Variants in ADAMTS17 observed in about 807,000 individuals in gnomAD.
ADAMTS17 encodes the protein ADAM metallopeptidase with thrombospondin type 1 motif 17.
A neutral mutation model predicts 141.5 loss-of-function variants in ADAMTS17; 113 were observed. The observed-to-expected ratio is 0.80, with a 90% CI of 0.69 to 0.93. ADAMTS17 has a LOEUF of 0.93. Ranked by LOEUF, ADAMTS17 falls within the 40% of genes least tolerant of loss-of-function variation. The probability of loss-of-function intolerance (pLI) is 0.00; values close to 1 mark genes in which losing one functional copy is unlikely to be tolerated. For missense variants in ADAMTS17, 1,659 were observed against 1,517.9 expected, an observed-to-expected ratio of 1.09 and a Z score of -1.54; for synonymous variants, 768 against 630.6, an observed-to-expected ratio of 1.22 and a Z score of -3.27.
At chr15:99,981,772 G>C (rs2060486670) in intron 20 of ADAMTS17, among the ~76,000 whole-genome samples, 1 of 152,190 alleles carries the variant, frequency 6.6e-6, no homozygotes. Context: ...TCTATAGTAA[G>C]AGCTACTTAT....
At chr15:100,047,403 T>A (rs2031792777) in intron 18 of ADAMTS17, among the ~76,000 whole-genome samples, 1 of 150,796 alleles carries the variant, frequency 6.6e-6, no homozygotes, top group Admixed American at 6.6e-5. Flanking sequence ...CTTTTGAAAA[T>A]CCCTAATAAA....
intron 7 of ADAMTS17, among the ~76,000 whole-genome samples, chr15:100,235,189 T>G (rs2042617310): frequency 6.6e-6 from 1 of 152,040 alleles, no homozygotes; most frequent in South Asian, 2.1e-4. Context: ...ATCAGAAGCC[T>G]CTTCTGTCAG....
chr15:100,210,621 G>C (rs1208265478), intron 7 of ADAMTS17, among the ~76,000 whole-genome samples: 6 of 152,134 alleles, frequency 3.9e-5, no homozygotes, highest in African/African-American at 1.4e-4. Flanking sequence ...TGTTTTATTT[G>C]GCCCATTTAG....
Position 100,263,272 on chromosome 15 carries a change from G to A in ADAMTS17, c.790-837C>T, listed in dbSNP as rs2043595373. ...GCTGGCATCTCCACTACTCTCAGCTGGGAAACACAGAAACCAGTTCATCGA... is the reference window on the plus strand; with the variant it reads ...GCTGGCATCTCCACTACTCTCAGCTAGGAAACACAGAAACCAGTTCATCGA... On this transcript the variant is annotated intron_variant, in intron 4 of 21. Coordinates refer to ENST00000268070, the MANE Select transcript of ADAMTS17 (RefSeq NM_139057.4). Among the ~76,000 whole-genome samples, 6 of 152,110 alleles carry A rather than the reference G, an allele frequency of 3.9e-5. No individual in the cohort carries two copies. In the South Asian group the frequency reaches 1.2e-3, roughly 32 times the overall value.
At chr15:100,142,406 A>C (rs1309781082) in intron 10 of ADAMTS17, among the ~76,000 whole-genome samples, 1 of 152,194 alleles carries the variant, frequency 6.6e-6, no homozygotes, top group Admixed American at 6.5e-5. Flanking sequence ...AGGACAGCAC[A>C]GGGAAAGATA....
chr15:100,157,885 A>ATTTTTTTT (rs1567275461), intron 8 of ADAMTS17, among the ~76,000 whole-genome samples: 3 of 137,538 alleles, frequency 2.2e-5, no homozygotes, highest in Non-Finnish European at 4.8e-5. Flanking sequence ...GTTTAGCTAT[A>ATTTTTTTT]TTCTTTTTTT....
At chr15:100,332,430 G>C (rs1054402953) in intron 2 of ADAMTS17, among the ~76,000 whole-genome samples, 1 of 152,176 alleles carries the variant, frequency 6.6e-6, no homozygotes, top group African/African-American at 2.4e-5. Flanking sequence ...ATGGAGCCCC[G>C]CGTGGGAGGA....
chr15:99,983,401 C>A (rs1415557303), intron 20 of ADAMTS17, among the ~76,000 whole-genome samples: 6 of 152,214 alleles, frequency 3.9e-5, no homozygotes, highest in Admixed American at 2.0e-4. Context: ...CCCTGCCCCC[C>A]ACCTGCCCGT....
intron 10 of ADAMTS17, among the ~76,000 whole-genome samples, chr15:100,135,502 C>A (rs2038284460): frequency 6.6e-6 from 1 of 152,044 alleles, no homozygotes; most frequent in Non-Finnish European, 1.5e-5. Context: ...CCAGGATGGT[C>A]TCAATCTCCT....
intron 12 of ADAMTS17, among the ~76,000 whole-genome samples, chr15:100,119,592 C>A (rs1272425578): frequency 6.6e-6 from 1 of 152,196 alleles, no homozygotes; most frequent in African/African-American, 2.4e-5. Flanking sequence ...AACCCGCACA[C>A]AACAATTACC....
At chr15:100,193,266 G>A (rs2040986679) in intron 8 of ADAMTS17, among the ~76,000 whole-genome samples, 1 of 152,228 alleles carries the variant, frequency 6.6e-6, no homozygotes, top group Non-Finnish European at 1.5e-5. Context: ...GGTCTCCCGG[G>A]AGCTGACGGA....
At chr15:100,033,768 G>A (rs1435919806) in intron 18 of ADAMTS17, among the ~76,000 whole-genome samples, 1 of 152,148 alleles carries the variant, frequency 6.6e-6, no homozygotes. Flanking sequence ...CAACTTTTCG[G>A]TGTCTCTTCA....
chr15:100,001,176 G>A (rs2060914196), intron 18 of ADAMTS17, among the ~76,000 whole-genome samples: 1 of 152,206 alleles, frequency 6.6e-6, no homozygotes, highest in East Asian at 1.9e-4. Flanking sequence ...TCCCCAGGGT[G>A]AGAATGATGA....
chr15:100,063,297 A>G (rs2033262439), intron 15 of ADAMTS17, among the ~76,000 whole-genome samples: 3 of 152,200 alleles, frequency 2.0e-5, no homozygotes, highest in South Asian at 4.1e-4. Context: ...TGGCAGCCCA[A>G]TGGGGCTTCC....
chr15:100,305,162 T>C (rs1475363876), intron 3 of ADAMTS17, among the ~76,000 whole-genome samples: 1 of 152,080 alleles, frequency 6.6e-6, no homozygotes, highest in Non-Finnish European at 1.5e-5. Flanking sequence ...TCCTCAACCC[T>C]GCACATTGTT....
At chr15:100,106,278 G>C (rs569171301) in intron 14 of ADAMTS17, among the ~76,000 whole-genome samples, 3 of 152,194 alleles carry the variant, frequency 2.0e-5, no homozygotes, top group Non-Finnish European at 4.4e-5. Flanking sequence ...CCAGCCTCCA[G>C]AACGTTGAGA....
intron 15 of ADAMTS17, chr15:100,074,269 T>G (rs911832947): frequency 2.0e-5 from 3 of 152,250 alleles, no homozygotes; most frequent in African/African-American, 7.2e-5. Context: ...CACCTTTGTT[T>G]TGTTTTTTAT....
intron 10 of ADAMTS17, among the ~76,000 whole-genome samples, chr15:100,150,432 C>G (rs2039106814): frequency 6.6e-6 from 1 of 152,094 alleles, no homozygotes; most frequent in Admixed American, 6.5e-5. Context: ...GGCTTGTTTT[C>G]TAATCTCTCT....
chr15:100,034,612 C>T (rs139677883), intron 18 of ADAMTS17, among the ~76,000 whole-genome samples: 3 of 152,330 alleles, frequency 2.0e-5, no homozygotes, highest in African/African-American at 7.2e-5. Flanking sequence ...GTGTTTGTGA[C>T]CTTGGCCGAC....
Sources: gnomAD v4.1 joint callset for allele counts (sites outside exome capture counted in the v4.1 genomes callset) on GRCh38, gnomAD v4.1.1 for gene constraint, MANE v1.5 for transcripts, NCBI Gene and HGNC (gene_info 2026-07-23, HGNC 2026-07-21) for gene names.